The following MPP3 variants were observed in gnomAD, a reference collection of about 807,000 sequenced individuals.
MPP3 encodes MAGUK p55 scaffold protein 3, also known as MAGUK p55 subfamily member 3.
In MPP3, 48 loss-of-function variants were observed where a neutral mutation model predicts 80.7. The observed-to-expected ratio is 0.59, with a 90% CI of 0.47 to 0.76. The LOEUF is 0.76. Ranked by LOEUF, MPP3 falls within the 30% of genes least tolerant of loss-of-function variation. MPP3 has a pLI of 0.00. For missense variants in MPP3, 620 were observed against 763.0 expected, an observed-to-expected ratio of 0.81 and a Z score of 2.21; for synonymous variants, 311 against 297.6, an observed-to-expected ratio of 1.04 and a Z score of -0.46.
At chr17:43,805,088 G>C (rs1567794624) in intron 19 of MPP3, among the ~76,000 whole-genome samples, 1 of 152,162 alleles carries the variant, frequency 6.6e-6, no homozygotes, top group Non-Finnish European at 1.5e-5. Flanking sequence ...TCTGACAAGG[G>C]ACTTGTATCC....
intron 16 of MPP3, among the ~76,000 whole-genome samples, chr17:43,813,617 G>C (rs1313807390): frequency 6.6e-6 from 1 of 152,166 alleles, no homozygotes; most frequent in Non-Finnish European, 1.5e-5. Flanking sequence ...ACAGGGCTCT[G>C]TGGCTTCTCT....
chr17:43,831,020 A>T (rs1399826951), intron 5 of MPP3, among the ~76,000 whole-genome samples: 3 of 152,234 alleles, frequency 2.0e-5, no homozygotes, highest in Non-Finnish European at 4.4e-5. Flanking sequence ...GGGCAGCTCC[A>T]TGTCACAGTG....
chr17:43,804,468 T>C (rs138095789), intron 19 of MPP3, among the ~76,000 whole-genome samples: 440 of 152,300 alleles, frequency 2.9e-3, no homozygotes, highest in Non-Finnish European at 4.7e-3. Flanking sequence ...CCAGTGATGC[T>C]GGGGTAACTG....
At chr17:43,820,715 C>G in intron 11 of MPP3, 147 bp downstream of exon 11, 1 of 678,192 alleles carries the variant, frequency 1.5e-6, no homozygotes, top group Non-Finnish European at 2.5e-6. Flanking sequence ...TGGGAAAAGA[C>G]CAAACACAAG....
intron 19 of MPP3, among the ~76,000 whole-genome samples, chr17:43,805,048 G>T (rs1022764788): frequency 1.3e-5 from 2 of 151,990 alleles, no homozygotes; most frequent in African/African-American, 4.8e-5. Context: ...AGACAACTCA[G>T]AATGGGAAAA....
At chr17:43,811,490 G>A in intron 16 of MPP3, 1 of 361,804 alleles carries the variant, frequency 2.8e-6, no homozygotes, top group Non-Finnish European at 5.1e-6. Flanking sequence ...CCCACAACCA[G>A]TAGAGAGCAC....
intron 6 of MPP3, 33 bp downstream of exon 6, chr17:43,829,994 A>G: frequency 6.2e-7 from 1 of 1,602,020 alleles, no homozygotes. Context: ...GGAGACCCAG[A>G]GGCATGGCTG....
At chr17:43,816,237 C>T (rs775834342) in intron 13 of MPP3, among the ~76,000 whole-genome samples, 158 bp from the exon 14 acceptor site, 7 of 152,224 alleles carry the variant, frequency 4.6e-5, no homozygotes, top group African/African-American at 7.2e-5. Flanking sequence ...CCCAAGAAAG[C>T]AAGGTCCTCT....
rs371050657 is a variant in MPP3, at chr17:43,830,087, G to A, written c.243C>T (p.Ala81=). Residue 81 remains alanine, a synonymous_variant, in exon 6 of 20, where the codon GCC becomes GCT. Transcript: ENST00000398389. ...CCCTCTCATCACTGTGCACGGAGGC[G>A]GCCTGCAACTCCTCCATCACCTGCA... ...LAEDVMEELQ[A]ASVHSDEREL... is the part of the protein sequence containing the mutation. 27 of 1,550,002 alleles carry A rather than the reference G, an allele frequency of 1.7e-5. No individual in the cohort carries two copies. Among genetic ancestry groups the A allele is most frequent in the East Asian group, 2.3e-5 (1 of 44,132 alleles).
chr17:43,806,518 C>A lies in MPP3; in HGVS notation c.1581+2438G>T, dbSNP rs563044975. Among the ~76,000 whole-genome samples, 3 of 152,024 alleles carry A rather than the reference C, an allele frequency of 2.0e-5. No individual in the cohort carries two copies. In the South Asian group the frequency reaches 6.2e-4, roughly 32 times the overall value. On this transcript the variant is annotated intron_variant, in intron 19 of 19. Coordinates refer to ENST00000398389, the MANE Select transcript of MPP3 (RefSeq NM_001932.6). ...ATACTTCAATACATCCTGTAAGTGT[C>A]ACATAATGGAGTATATTGAACTGAG...
chr17:43,831,923 C>T lies in MPP3; in HGVS notation c.-17G>A, dbSNP rs1449805674. The T allele has an allele frequency of 4.3e-6, 7 of 1,612,456 alleles. No homozygotes were observed. The Middle Eastern group carries it at 6.6e-4, about 153-fold the overall frequency. ...CACTGGCATGCTGGCGTTGTCACCT[C>T]CCGACCTCTCCCTGCAGATTCTGGG... is the stretch of plus-strand genomic sequence containing the variant. On this transcript the variant is annotated 5_prime_UTR_variant, in exon 3 of 20. Coordinates refer to ENST00000398389, the MANE Select transcript of MPP3 (RefSeq NM_001932.6).
Position 43,823,995 on chromosome 17 carries a change from T to C in MPP3, c.620A>G (p.Gln207Arg), listed in dbSNP as rs373507209. The C allele has an allele frequency of 5.6e-6, 9 of 1,607,708 alleles. No individual in the cohort carries two copies. In the African/African-American group the frequency reaches 1.2e-4, roughly 22 times the overall value. Residue 207 changes from glutamine (Q) to arginine (R), a missense_variant, in exon 10 of 20, where the codon CAG becomes CGG. Gln to Arg is a conservative substitution (Grantham distance 43). Coordinates refer to ENST00000398389, the MANE Select transcript of MPP3 (RefSeq NM_001932.6). ...GATGATTTTTAGGGTGATGGATCCC[T>C]GGGACTGGGCCTGAAACGAAAGAGA... ...DEISQILAQS[Q>R]GSITLKIIPA...
Position 43,810,727 on chromosome 17 carries a change from G to A in MPP3, c.1458+80C>T, listed in dbSNP as rs575187611. 2.7e-5 allele frequency: 26 copies of A among 956,982 alleles called. 1 individual carries two copies. The South Asian group carries it at 3.8e-4, about 14-fold the overall frequency. 59.3% of individuals were successfully genotyped at this position (956,982 alleles called of 1,614,324 possible). ...TAGACTAAAAATTCCTTAGACTGAG[G>A]TTAAGTGTTGTGTAAAATGTACAAT... is the stretch of plus-strand genomic sequence containing the variant. On this transcript the variant is annotated intron_variant, in intron 18 of 19. Transcript: ENST00000398389.
intron 8 of MPP3, 130 bp from the exon 9 acceptor site, chr17:43,825,971 G>A (rs569121550): frequency 6.2e-6 from 4 of 645,688 alleles, no homozygotes; most frequent in Non-Finnish European, 1.1e-5. Flanking sequence ...AAAGTTGATG[G>A]GTGGGACTGG....
At position 43,831,310 on chromosome 17, in the gene MPP3, C is replaced by T. The variant is rs770360118; in HGVS notation, c.156G>A (p.Lys52=). 2 of 1,613,978 alleles carry T rather than the reference C, an allele frequency of 1.2e-6. No individual in the cohort carries two copies. The highest frequency in any genetic ancestry group is 1.1e-5 in the South Asian group (1 of 91,086). The change falls in exon 5 of 20, where the codon AAG becomes AAA. Residue 52 remains lysine (K), a synonymous_variant. Coordinates refer to ENST00000398389, the MANE Select transcript of MPP3 (RefSeq NM_001932.6). Reference sequence around the variant, plus strand: ...GACTTTGCCTTTCATAATAGCGAAGCTTCTCATGAATCTGCAAAGACAGAG... The same window carrying T: ...GACTTTGCCTTTCATAATAGCGAAGTTTCTCATGAATCTGCAAAGACAGAG... ...SLSYLMKIHE[K]LRYYERQSPT...
At chr17:43,817,548 A>G (rs992719563) in intron 12 of MPP3, among the ~76,000 whole-genome samples, 4 of 152,188 alleles carry the variant, frequency 2.6e-5, no homozygotes, top group Non-Finnish European at 5.9e-5. Context: ...ACATAAAAAC[A>G]TACTTATACT....
At chr17:43,821,156 T>A (rs1407544183) in intron 10 of MPP3, 98 bp from the exon 11 acceptor site, 28 of 1,161,142 alleles carry the variant, frequency 2.4e-5, no homozygotes, top group Non-Finnish European at 3.5e-5. Flanking sequence ...CATCCACACT[T>A]AGGAGGACCA....
At chr17:43,817,353 T>C (rs2045196554) in intron 12 of MPP3, among the ~76,000 whole-genome samples, 1 of 152,190 alleles carries the variant, frequency 6.6e-6, no homozygotes, top group Non-Finnish European at 1.5e-5. Flanking sequence ...CTCTACCGAC[T>C]TCACAGGGTT....
intron 16 of MPP3, chr17:43,811,493 G>A (rs1567801970): frequency 5.6e-6 from 2 of 360,094 alleles, no homozygotes; most frequent in African/African-American, 4.1e-5. Flanking sequence ...ACAACCAGTA[G>A]AGAGCACAGC....
Sources: gnomAD v4.1 joint callset for allele counts (sites outside exome capture counted in the v4.1 genomes callset) on GRCh38, gnomAD v4.1.1 for gene constraint, MANE v1.5 for transcripts, NCBI Gene and HGNC (gene_info 2026-07-23, HGNC 2026-07-21) for gene names.